Variants in SHISAL1 observed in about 807,000 individuals in gnomAD.
The protein encoded by SHISAL1 is shisa like 1, also known as protein shisa-like-1.
In SHISAL1, 9 loss-of-function variants were observed where a neutral mutation model predicts 22.6. The observed-to-expected ratio is 0.40, with a 90% confidence interval of 0.24 to 0.70. The LOEUF (loss-of-function observed/expected upper bound fraction) is 0.70, where lower values mean the gene tolerates loss of function less well. SHISAL1 is among the 30% of genes least tolerant of loss of function. SHISAL1 has a pLI of 0.39. For missense variants in SHISAL1, 246 were observed against 270.6 expected (o/e 0.91, Z 0.64); for synonymous variants, 119 against 115.4 (o/e 1.03, Z -0.20).
chr22:44,285,769 G>C, intron 3 of SHISAL1, 24 bp from the exon 4 acceptor site: 1 of 1,578,898 alleles, frequency 6.3e-7, no homozygotes, highest in Non-Finnish European at 8.7e-7. Context: ...GAGAGGGAGT[G>C]AGCAAGCAGA....
intron 4 of SHISAL1, among the ~76,000 whole-genome samples, chr22:44,262,493 G>T (rs1439224584): frequency 6.6e-6 from 1 of 152,238 alleles, no homozygotes; most frequent in Non-Finnish European, 1.5e-5. Context: ...TCCCATGCGT[G>T]TGGAGCCTCA....
At chr22:44,320,658 G>A in the SHISAL1 span, among the ~76,000 whole-genome samples, 515 of 152,264 alleles carry the variant, frequency 3.4e-3, 3 homozygotes, top group African/African-American at 0.01. Context: ...CCAGGCCGCC[G>A]CCCTCCCCCT....
chr22:44,328,824 GTGT>G, the SHISAL1 span, among the ~76,000 whole-genome samples: 4 of 151,774 alleles, frequency 2.6e-5, no homozygotes, highest in Non-Finnish European at 5.9e-5. Context: ...GCTGGGGGTA[GTGT>G]TGTCTCCTGC....
chr22:44,309,131 C>T (rs1022917733), intron 1 of SHISAL1, among the ~76,000 whole-genome samples: 3 of 152,216 alleles, frequency 2.0e-5, no homozygotes, highest in African/African-American at 7.2e-5. Context: ...GCCCTCCTGA[C>T]CCCACTGGTC....
At chr22:44,293,933 G>A (rs554241692) in intron 3 of SHISAL1, among the ~76,000 whole-genome samples, 1 of 152,388 alleles carries the variant, frequency 6.6e-6, no homozygotes, top group East Asian at 1.9e-4. Context: ...TGCTGCTGGA[G>A]TGGAGTGTTC....
intron 4 of SHISAL1, among the ~76,000 whole-genome samples, chr22:44,253,412 C>T (rs2055062235): frequency 6.9e-6 from 1 of 144,336 alleles, no homozygotes; most frequent in African/African-American, 2.6e-5. Context: ...GCAGAGTATG[C>T]TAGTATTAGT....
intron 4 of SHISAL1, among the ~76,000 whole-genome samples, chr22:44,263,165 G>A (rs894233650): frequency 2.8e-5 from 4 of 142,998 alleles, no homozygotes; most frequent in African/African-American, 1.0e-4. Context: ...CCGCCACCCG[G>A]GTTCCAGCGA....
intron 2 of SHISAL1, among the ~76,000 whole-genome samples, chr22:44,300,124 C>CAG (rs199708708): frequency 0.12 from 18,315 of 149,426 alleles, 3,225 homozygotes; most frequent in African/African-American, 0.4. Flanking sequence ...GAGACAGAGA[C>CAG]AGAGAGACAG....
chr22:44,269,031 G>A (rs1421278368), intron 4 of SHISAL1, among the ~76,000 whole-genome samples: 1 of 152,028 alleles, frequency 6.6e-6, no homozygotes, highest in Non-Finnish European at 1.5e-5. Context: ...CTCCTGGCCT[G>A]TCCCTGATGC....
chr22:44,290,331 AC>A (rs1290455639), intron 3 of SHISAL1, among the ~76,000 whole-genome samples: 2 of 152,238 alleles, frequency 1.3e-5, no homozygotes, highest in East Asian at 3.9e-4. Context: ...GGAGTTTGAG[AC>A]CAGCCTGACT....
intron 4 of SHISAL1, among the ~76,000 whole-genome samples, chr22:44,267,463 G>A (rs1270055710): frequency 4.1e-5 from 6 of 147,014 alleles, no homozygotes; most frequent in African/African-American, 1.5e-4. Flanking sequence ...CCCTGGTGCC[G>A]GCCCCTCCCC....
At chr22:44,269,445 A>G (rs2055190065) in intron 4 of SHISAL1, among the ~76,000 whole-genome samples, 1 of 143,798 alleles carries the variant, frequency 7.0e-6, no homozygotes, top group Admixed American at 7.0e-5. Flanking sequence ...ACACACACAC[A>G]CCATGCCACA....
intron 4 of SHISAL1, among the ~76,000 whole-genome samples, chr22:44,257,517 C>T (rs911890732): frequency 3.4e-4 from 51 of 152,202 alleles, no homozygotes; most frequent in Non-Finnish European, 6.2e-4. Flanking sequence ...TCTTGAATTT[C>T]CACCTTCCTC....
At chr22:44,311,292 C>T (rs990626858) in intron 1 of SHISAL1, among the ~76,000 whole-genome samples, 1 of 152,186 alleles carries the variant, frequency 6.6e-6, no homozygotes, top group Non-Finnish European at 1.5e-5. Flanking sequence ...AGCACACTGC[C>T]ACGAAGGGTG....
chr22:44,319,102 G>A, the SHISAL1 span, among the ~76,000 whole-genome samples: 1 of 152,266 alleles, frequency 6.6e-6, no homozygotes, highest in Admixed American at 6.5e-5. Context: ...TCCAGGCCAC[G>A]GAGGCAGAAC....
chr22:44,261,077 T>TATATATATATATATATATATATATA (rs1555925738), intron 4 of SHISAL1, among the ~76,000 whole-genome samples: 1 of 108,738 alleles, frequency 9.2e-6, no homozygotes, highest in Non-Finnish European at 1.8e-5. Context: ...CTTCATTACT[T>TATATATATATATATATATATATATA]TATATATATA....
At chr22:44,326,543 TCTGTTAAGAG>T in the SHISAL1 span, among the ~76,000 whole-genome samples, 1 of 152,112 alleles carries the variant, frequency 6.6e-6, no homozygotes, top group Non-Finnish European at 1.5e-5. Context: ...CTCCCAGGGC[TCTGTTAAGAG>T]CTTCCAGAAC....
At chr22:44,267,767 G>A (rs763936440) in intron 4 of SHISAL1, among the ~76,000 whole-genome samples, 43 of 152,226 alleles carry the variant, frequency 2.8e-4, no homozygotes, top group Non-Finnish European at 5.4e-4. Flanking sequence ...GCCTCTGCAC[G>A]TGCTATTTCC....
At chr22:44,286,347 A>T (rs2055315358) in intron 3 of SHISAL1, among the ~76,000 whole-genome samples, 1 of 151,930 alleles carries the variant, frequency 6.6e-6, no homozygotes, top group Non-Finnish European at 1.5e-5. Context: ...GGGCCCCATG[A>T]CCTCACTTCT....
Sources: allele counts gnomAD v4.1 joint callset (sites outside exome capture counted in the v4.1 genomes callset), GRCh38; gene constraint gnomAD v4.1.1; transcripts MANE v1.5; gene names NCBI Gene and HGNC (gene_info 2026-07-23, HGNC 2026-07-21).